Variants in TYW1B observed in about 807,000 individuals in gnomAD.
The protein encoded by TYW1B is S-adenosyl-L-methionine-dependent tRNA 4-demethylwyosine synthase TYW1B.
Under a neutral mutation model 86.9 loss-of-function variants are expected in TYW1B, and 73 were observed. That is an observed-to-expected ratio of 0.84 (90% confidence interval 0.70 to 1.02). TYW1B has a LOEUF of 1.02. TYW1B is among the 50% of genes least tolerant of loss of function. TYW1B has a pLI of 0.00. For synonymous variants in TYW1B, 248 were observed against 292.8 expected (o/e 0.85, Z 1.56); for missense variants, 637 against 827.4 (o/e 0.77, Z 2.82).
At chr7:72,625,443 A>AC (rs1812320657) in intron 12 of TYW1B, among the ~76,000 whole-genome samples, 1 of 151,952 alleles carries the variant, frequency 6.6e-6, no homozygotes, top group Non-Finnish European at 1.5e-5. Context: ...ACATAGTGAG[A>AC]CCCCATTTCT....
At chr7:72,626,055 G>A (rs1812341768) in intron 12 of TYW1B, among the ~76,000 whole-genome samples, 1 of 151,876 alleles carries the variant, frequency 6.6e-6, no homozygotes. Context: ...GGCAAGGTTT[G>A]CTTAAGCTGA....
Position 72,815,492 on chromosome 7 carries a change from A to G in TYW1B, c.136-11T>C, listed in dbSNP as rs190457972. ...AACTGTTGCAAATCCCTAATAGGAC[A>G]AAAAAAAACTTCAAATAAAGTCTTC... On this transcript the variant is annotated splice_polypyrimidine_tract_variant and intron_variant, in intron 2 of 13. Coordinates refer to ENST00000620995, the MANE Select transcript of TYW1B (RefSeq NM_001145440.3). 1.6e-3 allele frequency: 2,487 copies of G among 1,581,770 alleles called. 36 individuals are homozygous for G. The African/African-American group carries it at 0.021, about 13-fold the overall frequency.
chr7:72,739,227 T>C (rs1554461613), intron 8 of TYW1B, among the ~76,000 whole-genome samples: 4 of 151,864 alleles, frequency 2.6e-5, no homozygotes, highest in Admixed American at 2.6e-4. Context: ...ATTATCCATA[T>C]GATGATAAAC....
chr7:72,633,605 A>T (rs1812596634), intron 11 of TYW1B, among the ~76,000 whole-genome samples: 1 of 152,156 alleles, frequency 6.6e-6, no homozygotes, highest in East Asian at 1.9e-4. Flanking sequence ...CTAATATCTA[A>T]TATCCTGACT....
At chr7:72,644,385 TAAAA>T (rs1410262367) in intron 11 of TYW1B, among the ~76,000 whole-genome samples, 1 of 152,040 alleles carries the variant, frequency 6.6e-6, no homozygotes, top group African/African-American at 2.4e-5. Context: ...CTGTCTCTAC[TAAAA>T]ATACAAAAAT....
chr7:72,584,574 G>C (rs1811232441), intron 13 of TYW1B, among the ~76,000 whole-genome samples: 2 of 151,582 alleles, frequency 1.3e-5, no homozygotes, highest in South Asian at 4.2e-4. Flanking sequence ...TCCTGTCTCA[G>C]CCTCCCGAGT....
rs183650464 is a variant in TYW1B at position 72,676,730 on chromosome 7, C to T, written c.1506+17957G>A. Among the ~76,000 whole-genome samples, 412 of 152,024 alleles carry T rather than the reference C, an allele frequency of 2.7e-3. 1 individual carries two copies. The highest frequency in any genetic ancestry group is 8.9e-3 in the African/African-American group (371 of 41,482). ...ATCTCAGCACTTTGGGAGGCCGAGGCGGTGGATTGCTTGAGGCCAGGAGTT... is the reference window on the plus strand; with the variant it reads ...ATCTCAGCACTTTGGGAGGCCGAGGTGGTGGATTGCTTGAGGCCAGGAGTT... On this transcript the variant is annotated intron_variant, in intron 11 of 13. Transcript: ENST00000620995.
intron 12 of TYW1B, among the ~76,000 whole-genome samples, chr7:72,625,007 C>T (rs1209675783): frequency 1.3e-5 from 2 of 150,796 alleles, no homozygotes; most frequent in South Asian, 4.2e-4. Flanking sequence ...TGCAGTGAAC[C>T]GAGATTGTGC....
chr7:72,577,217 A>G (rs1811044114), intron 13 of TYW1B, among the ~76,000 whole-genome samples: 2 of 152,156 alleles, frequency 1.3e-5, no homozygotes, highest in African/African-American at 2.4e-5. Context: ...AAAAGAAAAT[A>G]CATAGGTTCC....
At chr7:72,757,904 T>G (rs1349951132) in intron 7 of TYW1B, among the ~76,000 whole-genome samples, 1 of 152,180 alleles carries the variant, frequency 6.6e-6, no homozygotes, top group East Asian at 1.9e-4. Flanking sequence ...TTCAAAACAA[T>G]TCTGTAACAC....
chr7:72,781,173 G>T (rs1554471564), intron 6 of TYW1B, among the ~76,000 whole-genome samples: 1 of 152,070 alleles, frequency 6.6e-6, no homozygotes, highest in South Asian at 2.1e-4. Context: ...GGTAACTCGA[G>T]CACAGATGAA....
intron 13 of TYW1B, among the ~76,000 whole-genome samples, chr7:72,610,171 C>T (rs1811900119): frequency 1.3e-5 from 2 of 152,154 alleles, no homozygotes; most frequent in Non-Finnish European, 2.9e-5. Flanking sequence ...CACTAGAGCA[C>T]TATGAATGTG....
chr7:72,709,484 G>A (rs373392852), intron 10 of TYW1B, among the ~76,000 whole-genome samples: 35 of 147,256 alleles, frequency 2.4e-4, no homozygotes, highest in South Asian at 1.1e-3. Flanking sequence ...CTGCTAACAC[G>A]GTGAAACCCC....
intron 10 of TYW1B, among the ~76,000 whole-genome samples, chr7:72,703,026 AT>A (rs1166122885): frequency 1.1e-3 from 39 of 35,208 alleles, no homozygotes; most frequent in African/African-American, 3.6e-3. Flanking sequence ...ATATATATAT[AT>A]TTTTTTTTTT....
chr7:72,723,717 T>A (rs3015848), intron 9 of TYW1B, among the ~76,000 whole-genome samples: 104,628 of 151,984 alleles, frequency 0.69, 36,983 homozygotes, highest in Non-Finnish European at 0.77. Flanking sequence ...GAGGCTGCAG[T>A]GAGCTATGAT....
At chr7:72,675,776 A>G (rs544142009) in intron 11 of TYW1B, among the ~76,000 whole-genome samples, 104 of 152,212 alleles carry the variant, frequency 6.8e-4, no homozygotes, top group African/African-American at 2.5e-3. Context: ...ATGTGAAAAA[A>G]AGCCAATTTA....
intron 12 of TYW1B, among the ~76,000 whole-genome samples, chr7:72,621,069 T>C (rs1476598428): frequency 6.6e-6 from 1 of 152,180 alleles, no homozygotes; most frequent in Non-Finnish European, 1.5e-5. Context: ...TCAAACCTCA[T>C]GCTGAAATGT....
At chr7:72,670,818 A>T (rs1813582807) in intron 11 of TYW1B, among the ~76,000 whole-genome samples, 1 of 152,244 alleles carries the variant, frequency 6.6e-6, no homozygotes, top group South Asian at 2.1e-4. Context: ...CAAACAACAT[A>T]TTCAAGTTGA....
chr7:72,805,031 G>A lies in TYW1B; in HGVS notation c.723+2035C>T, dbSNP rs9692148. ...ACTGCTAACTTGGTTCTGCGACCTTGGGAAACTTCAAAAGTTATCTTGAAC... is the reference window on the plus strand; with the variant it reads ...ACTGCTAACTTGGTTCTGCGACCTTAGGAAACTTCAAAAGTTATCTTGAAC... On this transcript the variant is annotated intron_variant, in intron 5 of 13. Transcript: ENST00000620995. 6.1e-3 allele frequency among the ~76,000 whole-genome samples: 921 copies of A among 151,940 alleles called. 2 individuals carry two copies. The highest frequency in any genetic ancestry group is 0.011 in the African/African-American group (475 of 41,466).
Sources: allele counts gnomAD v4.1 joint callset (sites outside exome capture counted in the v4.1 genomes callset), GRCh38; gene constraint gnomAD v4.1.1; transcripts MANE v1.5; gene names NCBI Gene and HGNC (gene_info 2026-07-23, HGNC 2026-07-21).